Variants in CACNA2D3 observed in about 807,000 individuals in gnomAD.
CACNA2D3 encodes the protein calcium voltage-gated channel auxiliary subunit alpha2delta 3.
CACNA2D3 carries 60 observed loss-of-function variants against 160.6 expected under a neutral mutation model. The ratio of observed to expected loss-of-function variants is 0.37; its 90% CI spans 0.30 to 0.46. The LOEUF (loss-of-function observed/expected upper bound fraction) is 0.46. Ranked by LOEUF, CACNA2D3 falls within the 20% of genes least tolerant of loss-of-function variation. The pLI, the probability that CACNA2D3 is intolerant of heterozygous loss-of-function variation, is 1.00. For synonymous variants in CACNA2D3, 558 were observed against 492.9 expected (o/e 1.13, Z -1.75); for missense variants, 1,205 against 1,365.0 (o/e 0.88, Z 1.85).
At chr3:54,561,505 G>A (rs1239573762) in intron 5 of CACNA2D3, among the ~76,000 whole-genome samples, 2 of 152,166 alleles carry the variant, frequency 1.3e-5, no homozygotes, top group East Asian at 3.8e-4. Flanking sequence ...CCAGGTATAG[G>A]ATCATGTCAT....
chr3:54,142,125 A>C (rs1296443621), intron 2 of CACNA2D3, among the ~76,000 whole-genome samples: 2 of 152,234 alleles, frequency 1.3e-5, no homozygotes, highest in Admixed American at 1.3e-4. Context: ...TTACTATGAC[A>C]GAAAGGTGGA....
At chr3:54,270,044 G>T (rs1702590798) in intron 2 of CACNA2D3, among the ~76,000 whole-genome samples, 2 of 152,168 alleles carry the variant, frequency 1.3e-5, no homozygotes, top group Admixed American at 6.5e-5. Context: ...GTCTGGGTTT[G>T]AGCATGGAAA....
chr3:54,313,671 G>C (rs1033385190), intron 2 of CACNA2D3, among the ~76,000 whole-genome samples: 1 of 152,004 alleles, frequency 6.6e-6, no homozygotes, highest in Non-Finnish European at 1.5e-5. Flanking sequence ...CTTGAGCCCC[G>C]GGAGTCTCCC....
intron 14 of CACNA2D3, among the ~76,000 whole-genome samples, chr3:54,830,063 C>T (rs904236293): frequency 6.6e-6 from 1 of 151,386 alleles, no homozygotes. Flanking sequence ...TCTGCCTCAG[C>T]CTCCTGAGTA....
chr3:54,765,450 C>T (rs1240656098), intron 13 of CACNA2D3, among the ~76,000 whole-genome samples: 2 of 152,204 alleles, frequency 1.3e-5, no homozygotes, highest in African/African-American at 4.8e-5. Flanking sequence ...AGACCATGAG[C>T]TTTTATCAGC....
intron 9 of CACNA2D3, among the ~76,000 whole-genome samples, chr3:54,603,052 G>A (rs1434158828): frequency 1.3e-5 from 2 of 152,172 alleles, no homozygotes; most frequent in African/African-American, 4.8e-5. Context: ...TCTGTTCGGT[G>A]TCACTATCAA....
chr3:54,414,801 CTTTTTT>C (rs34567327), intron 4 of CACNA2D3, among the ~76,000 whole-genome samples: 1 of 138,542 alleles, frequency 7.2e-6, no homozygotes, highest in Non-Finnish European at 1.6e-5. Flanking sequence ...ATTCTTTTAA[CTTTTTT>C]TTTTTTTTTT....
At chr3:54,832,011 T>TCATATACACACACA (rs373556430) in intron 14 of CACNA2D3, among the ~76,000 whole-genome samples, 2 of 118,954 alleles carry the variant, frequency 1.7e-5, no homozygotes, top group South Asian at 6.2e-4. Context: ...CTCTTCTCTG[T>TCATATACACACACA]CACACACACA....
chr3:54,596,210 C>T (rs1575369347), intron 9 of CACNA2D3, among the ~76,000 whole-genome samples: 1 of 152,062 alleles, frequency 6.6e-6, no homozygotes, highest in African/African-American at 2.4e-5. Context: ...CTCCAGTCCC[C>T]GCCCCCCATA....
rs531110231 is a variant in CACNA2D3 at position 54,784,861 on chromosome 3, T to C, written c.1380+20510T>C. On this transcript the variant is annotated intron_variant, in intron 13 of 37. Transcript: ENST00000474759. ...TAATTTCATGCTATTTGCTCTGCTA[T>C]AGTGAAAACCTCTGCACCTTCCTGA... is the stretch of plus-strand genomic sequence containing the variant. Among the ~76,000 whole-genome samples, 40 of 152,314 alleles carry C rather than the reference T, an allele frequency of 2.6e-4. 1 individual carries two copies. The South Asian group carries it at 8.3e-3, about 32-fold the overall frequency.
intron 27 of CACNA2D3, among the ~76,000 whole-genome samples, chr3:54,936,408 A>G (rs1024301887): frequency 1.3e-5 from 2 of 152,274 alleles, no homozygotes; most frequent in African/African-American, 4.8e-5. Context: ...TTTGTGCTCT[A>G]CATATCTCTG....
rs534851310 is a variant in CACNA2D3, at chr3:54,964,178, C to T, written c.2450-4272C>T. Among the ~76,000 whole-genome samples, 5 of 152,168 alleles carry T rather than the reference C, an allele frequency of 3.3e-5. No individual in the cohort carries two copies. The East Asian group carries it at 7.7e-4, about 24-fold the overall frequency. On this transcript the variant is annotated intron_variant, in intron 27 of 37. Coordinates refer to ENST00000474759, the MANE Select transcript of CACNA2D3 (RefSeq NM_018398.3). ...CCATATTGGCACATGGGGAAGGATC[C>T]TATGGGATAATATTTTCTGGATCGG... is the stretch of plus-strand genomic sequence containing the variant.
At chr3:55,025,478 A>C (rs1703545983) in intron 35 of CACNA2D3, among the ~76,000 whole-genome samples, 1 of 151,930 alleles carries the variant, frequency 6.6e-6, no homozygotes, top group Non-Finnish European at 1.5e-5. Context: ...CTAAAAACAC[A>C]AAAATTGGCC....
intron 25 of CACNA2D3, chr3:54,894,638 C>T (rs1430653040): frequency 1.9e-5 from 10 of 514,224 alleles, no homozygotes; most frequent in Non-Finnish European, 3.9e-5. Context: ...ACACCTTCTG[C>T]TCAGTCGTGG....
At chr3:54,928,436 C>T (rs1701091547) in intron 27 of CACNA2D3, among the ~76,000 whole-genome samples, 1 of 152,196 alleles carries the variant, frequency 6.6e-6, no homozygotes, top group Admixed American at 6.5e-5. Flanking sequence ...ACGGGACCCT[C>T]ACCTGGGGGT....
chr3:54,361,349 T>C (rs1490333347), intron 3 of CACNA2D3, among the ~76,000 whole-genome samples: 1 of 152,136 alleles, frequency 6.6e-6, no homozygotes, highest in Admixed American at 6.5e-5. Flanking sequence ...CTGTGTCCCC[T>C]AACATTGCCA....
chr3:54,258,449 T>G (rs1702342087), intron 2 of CACNA2D3, among the ~76,000 whole-genome samples: 1 of 152,150 alleles, frequency 6.6e-6, no homozygotes, highest in South Asian at 2.1e-4. Flanking sequence ...CAGTGTCAGA[T>G]AGTGTTAGGG....
chr3:54,464,188 G>T (rs1345690353), intron 4 of CACNA2D3, among the ~76,000 whole-genome samples: 1 of 152,196 alleles, frequency 6.6e-6, no homozygotes, highest in African/African-American at 2.4e-5. Flanking sequence ...CCTACTGGGG[G>T]GTGCCTCCTA....
At chr3:54,802,224 A>C (rs1703007604) in intron 13 of CACNA2D3, among the ~76,000 whole-genome samples, 1 of 152,160 alleles carries the variant, frequency 6.6e-6, no homozygotes, top group Non-Finnish European at 1.5e-5. Flanking sequence ...CAGGGTGCCC[A>C]CATTTAAAGA....
Sources: gnomAD v4.1 joint callset for allele counts (sites outside exome capture counted in the v4.1 genomes callset) on GRCh38, gnomAD v4.1.1 for gene constraint, MANE v1.5 for transcripts, NCBI Gene and HGNC (gene_info 2026-07-23, HGNC 2026-07-21) for gene names.